The following MBD3 variants were observed in gnomAD, a reference collection of about 807,000 sequenced individuals.
MBD3 encodes the protein methyl-CpG-binding domain protein 3.
In MBD3, 13 loss-of-function variants were observed where a neutral mutation model predicts 31.2. The observed-to-expected ratio is 0.42, with a 90% CI of 0.27 to 0.66. MBD3 has a LOEUF of 0.66. MBD3 is among the 30% of genes least tolerant of loss of function. The pLI is 0.26. For synonymous variants in MBD3, 223 were observed against 187.4 expected (o/e 1.19, Z -1.55); for missense variants, 440 against 426.5 (o/e 1.03, Z -0.28).
At chr19:1,582,799 G>A in intron 3 of MBD3, 87 bp from the exon 4 acceptor site, 1 of 1,231,200 alleles carries the variant, frequency 8.1e-7, no homozygotes. Context: ...AGGCCCACCT[G>A]GCCTCCTTGC....
Position 1,581,231 on chromosome 19 carries a change from C to T in MBD3, c.538G>A (p.Ala180Thr). The T allele has an allele frequency of 6.2e-7, 1 of 1,612,168 alleles. No homozygotes were observed. Among genetic ancestry groups the T allele is most frequent in the Non-Finnish European group, 8.5e-7 (1 of 1,179,990 alleles). ...CTAGTGTGCAGGGCGCTGGCGATGG[C>T]CGACAGCAGCGTCTCATCCGTGCAG... ...PGCTDETLLS[A>T]IASALHTSTM... Residue 180 changes from alanine to threonine, a missense_variant, in exon 5 of 7, where the codon GCC (alanine) becomes ACC (threonine). Coordinates refer to ENST00000434436, the MANE Select transcript of MBD3 (RefSeq NM_001281453.2).
At chr19:1,581,846 T>G (rs557146439) in intron 4 of MBD3, 1 of 160,994 alleles carries the variant, frequency 6.2e-6, no homozygotes, top group African/African-American at 2.4e-5. Flanking sequence ...CGGCTCACTG[T>G]AAGCTCCGCC....
intron 4 of MBD3, among the ~76,000 whole-genome samples, chr19:1,581,979 G>A (rs1470849514): frequency 2.0e-5 from 3 of 152,156 alleles, no homozygotes; most frequent in South Asian, 2.1e-4. Context: ...ATGTTAGCCA[G>A]GATGATCTCG....
At chr19:1,584,917 C>T (rs1011448341) in intron 2 of MBD3, 138 bp downstream of exon 2, 108 of 1,303,524 alleles carry the variant, frequency 8.3e-5, no homozygotes, top group Non-Finnish European at 1.0e-4. Flanking sequence ...TGGCCTGCGC[C>T]TTCCGCTCTG....
chr19:1,582,474 C>A (rs991274922), intron 4 of MBD3, 148 bp downstream of exon 4: 2 of 735,724 alleles, frequency 2.7e-6, no homozygotes, highest in Admixed American at 4.2e-5. Flanking sequence ...CCACTGGGTC[C>A]CCTCCTCCTG....
intron 1 of MBD3, among the ~76,000 whole-genome samples, chr19:1,590,463 T>C (rs1021760862): frequency 6.6e-6 from 1 of 151,580 alleles, no homozygotes; most frequent in Non-Finnish European, 1.5e-5. Flanking sequence ...CCCATCTCTA[T>C]AAAAATAAGC....
chr19:1,585,286 C>T lies in MBD3; in HGVS notation c.111-72G>A. On this transcript the variant is annotated intron_variant, in intron 1 of 6. Coordinates refer to ENST00000434436, the MANE Select transcript of MBD3 (RefSeq NM_001281453.2). This position sits in a 1 kb window ranked among gnomAD's most constrained non-coding sequence, Gnocchi z 4.1. Reference sequence around the variant, plus strand: ...CAAACCCAGGCCTCGGCCGCAGACCCAAACCCAGTCCCAGCCCCAGCTTCA... The same window carrying T: ...CAAACCCAGGCCTCGGCCGCAGACCTAAACCCAGTCCCAGCCCCAGCTTCA... 1 of 1,493,504 alleles carries T rather than the reference C, an allele frequency of 6.7e-7. No homozygotes were observed. Among genetic ancestry groups the T allele is most frequent in the Non-Finnish European group, 9.0e-7 (1 of 1,113,714 alleles). 92.5% of individuals were successfully genotyped at this position (1,493,504 alleles called of 1,614,324 possible). A position where few individuals can be genotyped will look rare whatever the true frequency, so the allele number is the denominator to read the frequency against.
In MBD3 at chr19:1,585,243, C is replaced by T. The variant is rs1369717979; in HGVS notation, c.111-29G>A. 1.9e-6 allele frequency: 3 copies of T among 1,551,292 alleles called. No individual in the cohort carries two copies. The highest frequency in any genetic ancestry group is 1.2e-5 in the South Asian group (1 of 85,960). The stretch of plus-strand genomic sequence containing the variant: ...CGGGGAGGCGGGACGGTCGGCGCCC[C>T]GGGCGGACCCCAGACCCCAAACCCA... On this transcript the variant is annotated intron_variant, in intron 1 of 6. Transcript: ENST00000434436. The surrounding 1 kb of genome is among the most constrained non-coding windows in gnomAD (Gnocchi z 4.1).
In MBD3 at chr19:1,578,254, C is replaced by A; in HGVS notation, c.*5+81G>T. 1.9e-6 allele frequency: 3 copies of A among 1,586,566 alleles called. No homozygotes were observed. The highest frequency in any genetic ancestry group is 2.2e-5 in the South Asian group (2 of 90,316). On this transcript the variant is annotated intron_variant, in intron 6 of 6. Transcript: ENST00000434436. This position sits in a 1 kb window ranked among gnomAD's most constrained non-coding sequence, Gnocchi z 6.1. ...TGGGAAGCTCTTGGGAGGCACCCGT[C>A]ATCCCAAGCACATCTGTGTTCACCA... is the stretch of plus-strand genomic sequence containing the variant.
chr19:1,578,307 C>T lies in MBD3; in HGVS notation c.*5+28G>A. 1 of 1,600,128 alleles carries T rather than the reference C, an allele frequency of 6.2e-7. No homozygotes were observed. The highest frequency in any genetic ancestry group is 2.1e-4 in the Middle Eastern group (1 of 4,718). On this transcript the variant is annotated intron_variant, in intron 6 of 6. Coordinates refer to ENST00000434436, the MANE Select transcript of MBD3 (RefSeq NM_001281453.2). This position sits in a 1 kb window ranked among gnomAD's most constrained non-coding sequence, Gnocchi z 6.1. ...CAGTCCCCACTGCCAGGACCCGACT[C>T]CAGGGAGCCCCCGTGGCCCCGCAGC... is the stretch of plus-strand genomic sequence containing the variant.
At chr19:1,587,777 A>G (rs996289983) in intron 1 of MBD3, among the ~76,000 whole-genome samples, 1 of 152,206 alleles carries the variant, frequency 6.6e-6, no homozygotes, top group Non-Finnish European at 1.5e-5. Context: ...TAGGCCAGGT[A>G]CCTCAAACAT....
chr19:1,583,634 G>A (rs2060663832), intron 3 of MBD3, among the ~76,000 whole-genome samples: 1 of 151,968 alleles, frequency 6.6e-6, no homozygotes, highest in African/African-American at 2.4e-5. Flanking sequence ...AAGGTGGGAG[G>A]ATCACTTGAG....
rs2060673526 is a variant in MBD3, at chr19:1,585,222, G to A, written c.111-8C>T. The A allele has an allele frequency of 6.3e-7, 1 of 1,582,974 alleles. No homozygotes were observed. Among genetic ancestry groups the A allele is most frequent in the Non-Finnish European group, 8.5e-7 (1 of 1,171,276 alleles). On this transcript the variant is annotated splice_polypyrimidine_tract_variant and splice_region_variant and intron_variant, in intron 1 of 6. Coordinates refer to ENST00000434436, the MANE Select transcript of MBD3 (RefSeq NM_001281453.2). This position sits in a 1 kb window ranked among gnomAD's most constrained non-coding sequence, Gnocchi z 4.1. ...AACTTCTTCCCGCTCGGGCTGCGGG[G>A]AGGCGGGACGGTCGGCGCCCCGGGC...
chr19:1,589,371 A>C (rs1599349055), intron 1 of MBD3, among the ~76,000 whole-genome samples: 2 of 143,184 alleles, frequency 1.4e-5, no homozygotes, highest in South Asian at 4.5e-4. Flanking sequence ...AAAAAAAAGA[A>C]GGCAGGCGCA....
At position 1,592,737 on chromosome 19, in the gene MBD3, T is replaced by C. The variant is rs977029268; in HGVS notation, c.-106A>G. On this transcript the variant is annotated 5_prime_UTR_variant, in exon 1 of 7. Transcript: ENST00000434436. ...CGCTGCCGCTGCCGCCGCCGCCACT[T>C]GCCGCGGCTGTTCCGGCCCGCGGGC... The C allele has an allele frequency of 1.1e-4, 26 of 235,002 alleles. No individual in the cohort carries two copies. The highest frequency in any genetic ancestry group is 6.1e-4 in the African/African-American group (26 of 42,396). The allele number at this position is 235,002 out of a possible 1,614,324, so 14.6% of individuals were successfully genotyped here.
chr19:1,580,124 C>T lies in MBD3; in HGVS notation c.677+968G>A, dbSNP rs535216616. On this transcript the variant is annotated intron_variant, in intron 5 of 6. Coordinates refer to ENST00000434436, the MANE Select transcript of MBD3 (RefSeq NM_001281453.2). ...CTATTTTTCACAGTCTTGTTCTTTTCTTTTGTTGACAATTCTTCCTATTTC... is the reference window on the plus strand; with the variant it reads ...CTATTTTTCACAGTCTTGTTCTTTTTTTTTGTTGACAATTCTTCCTATTTC... Among the ~76,000 whole-genome samples the T allele has an allele frequency of 1.5e-3, 221 of 152,314 alleles. 1 individual carries two copies. Among genetic ancestry groups the T allele is most frequent in the African/African-American group, 5.1e-3 (210 of 41,566 alleles).
At position 1,575,113 on chromosome 19, in the gene MBD3, C is replaced by T. The variant is rs1348369399; in HGVS notation, c.*3051G>A. ...TTGGTCTGAGGGGAGGCGGGGGACA[C>T]GTGAGGCTCTTGCTGCTGCTGGCAA... On this transcript the variant is annotated 3_prime_UTR_variant, in exon 7 of 7. Coordinates refer to ENST00000434436, the MANE Select transcript of MBD3 (RefSeq NM_001281453.2). 1 of 398,762 alleles carries T rather than the reference C, an allele frequency of 2.5e-6. No homozygotes were observed. The highest frequency in any genetic ancestry group is 7.8e-5 in the East Asian group (1 of 12,872). The allele number at this position is 398,762 out of a possible 1,614,324, so 24.7% of individuals were successfully genotyped here.
At chr19:1,583,378 ACT>A (rs1957560782) in intron 3 of MBD3, 1 of 116,910 alleles carries the variant, frequency 8.6e-6, no homozygotes, top group Non-Finnish European at 1.7e-5. Flanking sequence ...ACAGAGCGAG[ACT>A]CTGTCACAAA....
At chr19:1,588,452 G>T (rs552570321) in intron 1 of MBD3, among the ~76,000 whole-genome samples, 1 of 152,046 alleles carries the variant, frequency 6.6e-6, no homozygotes, top group African/African-American at 2.4e-5. Flanking sequence ...TTTGCCTCCG[G>T]TCACCCCAAA....
Sources: allele counts gnomAD v4.1 joint callset (sites outside exome capture counted in the v4.1 genomes callset), GRCh38; gene constraint gnomAD v4.1.1; non-coding constraint Gnocchi (gnomAD v3.1); transcripts MANE v1.5; gene names NCBI Gene and HGNC (gene_info 2026-07-23, HGNC 2026-07-21).